The following NALF1 variants were observed in gnomAD, a reference collection of about 807,000 sequenced individuals.
NALF1 encodes the protein family with sequence similarity 155 member A.
Under a neutral mutation model 48.4 loss-of-function variants are expected in NALF1, and 3 were observed. The observed-to-expected ratio is 0.06, with a 90% CI of 0.03 to 0.16. The LOEUF (loss-of-function observed/expected upper bound fraction) is 0.16. Among genes scored for constraint, NALF1 ranks in the 10% least tolerant of loss-of-function variants. The pLI, the probability that NALF1 is intolerant of heterozygous loss-of-function variation, is 1.00. For synonymous variants in NALF1, 262 were observed against 245.7 expected (o/e 1.07, Z -0.62); for missense variants, 526 against 571.5 (o/e 0.92, Z 0.81).
chr13:107,855,869 C>T (rs953492030), intron 1 of NALF1, among the ~76,000 whole-genome samples: 1 of 151,854 alleles, frequency 6.6e-6, no homozygotes, highest in African/African-American at 2.4e-5. Flanking sequence ...ATTATTATGA[C>T]AGAACTTGTT....
chr13:107,810,882 T>C (rs16971180), intron 1 of NALF1, among the ~76,000 whole-genome samples: 8,325 of 152,230 alleles, frequency 0.055, 784 homozygotes, highest in African/African-American at 0.19. Context: ...CATTAATCTC[T>C]TGCCTCTCTA....
intron 1 of NALF1, among the ~76,000 whole-genome samples, chr13:107,677,989 A>G (rs1881176102): frequency 6.6e-6 from 1 of 152,200 alleles, no homozygotes; most frequent in Non-Finnish European, 1.5e-5. Context: ...GTATATTTTG[A>G]AAAAACTTCT....
At chr13:107,459,128 G>A (rs1884874838) in intron 1 of NALF1, among the ~76,000 whole-genome samples, 1 of 151,732 alleles carries the variant, frequency 6.6e-6, no homozygotes, top group Non-Finnish European at 1.5e-5. Context: ...ACAAGCCACA[G>A]ACTAAAAGAA....
chr13:107,407,788 T>C (rs1883924977), intron 1 of NALF1, among the ~76,000 whole-genome samples: 1 of 152,110 alleles, frequency 6.6e-6, no homozygotes, highest in African/African-American at 2.4e-5. Flanking sequence ...GTTGAGCAGA[T>C]ATCTGCCCTC....
chr13:107,458,958 G>C (rs9520451), intron 1 of NALF1, among the ~76,000 whole-genome samples: 1 of 151,422 alleles, frequency 6.6e-6, no homozygotes, highest in Non-Finnish European at 1.5e-5. Context: ...GATCTTGCCT[G>C]AGAGAGGTAC....
At chr13:107,754,187 G>A (rs2039954) in intron 1 of NALF1, among the ~76,000 whole-genome samples, 22,411 of 152,094 alleles carry the variant, frequency 0.15, 1,752 homozygotes, top group Middle Eastern at 0.2. Context: ...TTTAAGTAAA[G>A]TTTATTTTTG....
At chr13:107,462,008 A>T (rs72652706) in intron 1 of NALF1, among the ~76,000 whole-genome samples, 40,409 of 152,052 alleles carry the variant, frequency 0.27, 6,165 homozygotes, top group Non-Finnish European at 0.34. Context: ...GTAGTCCCTT[A>T]TTTACCCGTT....
At chr13:107,352,773 A>G (rs1882899758) in intron 1 of NALF1, among the ~76,000 whole-genome samples, 1 of 152,096 alleles carries the variant, frequency 6.6e-6, no homozygotes, top group Admixed American at 6.6e-5. Flanking sequence ...AGGTTCTTCT[A>G]ATTTTTGTCT....
intron 1 of NALF1, among the ~76,000 whole-genome samples, chr13:107,396,146 T>C (rs1481413631): frequency 6.6e-6 from 1 of 152,136 alleles, no homozygotes; most frequent in Non-Finnish European, 1.5e-5. Context: ...TGTCCTCCCG[T>C]GGCAGAAAGA....
chr13:107,651,820 A>G (rs990848846), intron 1 of NALF1, among the ~76,000 whole-genome samples: 12 of 152,178 alleles, frequency 7.9e-5, no homozygotes, highest in Non-Finnish European at 1.6e-4. Context: ...TCTAATTAAA[A>G]TAAGACATCA....
intron 1 of NALF1, among the ~76,000 whole-genome samples, chr13:107,311,356 G>C (rs1882041846): frequency 6.6e-6 from 1 of 151,966 alleles, no homozygotes; most frequent in Non-Finnish European, 1.5e-5. Context: ...AAAATTAAAA[G>C]GATTGATATT....
Position 107,270,185 on chromosome 13 carries a change from G to A in NALF1, c.916-59430C>T, listed in dbSNP as rs182074356. On this transcript the variant is annotated intron_variant, in intron 1 of 2. Transcript: ENST00000375915. ...AAGTTTCTATTCCAGGAATAATCAAGCTTTTTTCAGAATATTGAAAATTTA... is the reference window on the plus strand; with the variant it reads ...AAGTTTCTATTCCAGGAATAATCAAACTTTTTTCAGAATATTGAAAATTTA... Among the ~76,000 whole-genome samples the A allele has an allele frequency of 3.4e-3, 523 of 152,052 alleles. 1 individual carries two copies. The highest frequency in any genetic ancestry group is 5.3e-3 in the Non-Finnish European group (359 of 67,976).
chr13:107,465,650 G>A (rs1365236321), intron 1 of NALF1, among the ~76,000 whole-genome samples: 1 of 152,176 alleles, frequency 6.6e-6, no homozygotes, highest in Non-Finnish European at 1.5e-5. Context: ...TGCTATGGCT[G>A]TTGATGAGAT....
chr13:107,569,402 G>A (rs1175368088), intron 1 of NALF1, among the ~76,000 whole-genome samples: 1 of 151,984 alleles, frequency 6.6e-6, no homozygotes, highest in African/African-American at 2.4e-5. Context: ...AACCCGGGGG[G>A]CGGAGCTTGC....
At chr13:107,661,489 G>A (rs574695236) in intron 1 of NALF1, among the ~76,000 whole-genome samples, 3 of 151,930 alleles carry the variant, frequency 2.0e-5, no homozygotes, top group Admixed American at 6.5e-5. Flanking sequence ...CTGGAGTCAC[G>A]TCTTTTGCGA....
intron 1 of NALF1, among the ~76,000 whole-genome samples, chr13:107,267,342 T>G (rs1275627288): frequency 6.6e-6 from 1 of 151,762 alleles, no homozygotes; most frequent in Non-Finnish European, 1.5e-5. Flanking sequence ...TACAAATTGA[T>G]AAAAGAGAGT....
intron 1 of NALF1, among the ~76,000 whole-genome samples, chr13:107,494,526 C>T (rs1875260024): frequency 6.6e-6 from 1 of 152,102 alleles, no homozygotes. Flanking sequence ...GTCCCCAGGC[C>T]CTGATGTTCA....
At chr13:107,437,423 A>T (rs1198848368) in intron 1 of NALF1, among the ~76,000 whole-genome samples, 1 of 152,172 alleles carries the variant, frequency 6.6e-6, no homozygotes, top group Admixed American at 6.5e-5. Context: ...ACCACACAAA[A>T]ACTTGTAAGA....
chr13:107,778,827 G>A (rs1425034288), intron 1 of NALF1, among the ~76,000 whole-genome samples: 1 of 152,070 alleles, frequency 6.6e-6, no homozygotes, highest in Non-Finnish European at 1.5e-5. Flanking sequence ...GTTACTTGAT[G>A]ATTCCCTGAA....
Sources: gnomAD v4.1 joint callset for allele counts (sites outside exome capture counted in the v4.1 genomes callset) on GRCh38, gnomAD v4.1.1 for gene constraint, MANE v1.5 for transcripts, NCBI Gene and HGNC (gene_info 2026-07-23, HGNC 2026-07-21) for gene names.